C6orf62: variants seen among roughly 807,000 people sequenced by gnomAD.
C6orf62 encodes the protein chromosome 6 open reading frame 62.
In C6orf62, 16 loss-of-function variants were observed where a neutral mutation model predicts 26.8. That is an observed-to-expected ratio of 0.60 (90% CI 0.40 to 0.91). The LOEUF (loss-of-function observed/expected upper bound fraction) is 0.91. Ranked by LOEUF, C6orf62 falls within the 40% of genes least tolerant of loss-of-function variation. C6orf62 has a pLI of 0.00. For missense variants in C6orf62, 192 were observed against 271.4 expected (o/e 0.71, Z 2.06); for synonymous variants, 112 against 91.5 (o/e 1.22, Z -1.28).
At chr6:24,710,385 C>T (rs1779097017) in intron 3 of C6orf62, 1 of 431,388 alleles carries the variant, frequency 2.3e-6, no homozygotes. Context: ...TCTGCCTCAG[C>T]CTCCCAAGTA....
At chr6:24,710,211 C>G (rs1581395009) in intron 3 of C6orf62, 2 of 985,222 alleles carry the variant, frequency 2.0e-6, no homozygotes, top group East Asian at 2.3e-4. Flanking sequence ...AATATAAAAC[C>G]CAACTTGCTT....
At chr6:24,709,329 C>A in intron 3 of C6orf62, 1 of 985,356 alleles carries the variant, frequency 1.0e-6, no homozygotes, top group Non-Finnish European at 1.2e-6. Flanking sequence ...CCTACTCAGT[C>A]CAAGACTCCC....
upstream of C6orf62, chr6:24,720,442 T>A (rs1172877467): frequency 1.8e-6 from 2 of 1,098,078 alleles, no homozygotes; most frequent in Non-Finnish European, 2.2e-6. Context: ...GGACCCATAG[T>A]CTGGCTCGGC....
At chr6:24,720,490 G>C (rs1473326575), upstream of C6orf62, 1 of 678,602 alleles carries the variant, frequency 1.5e-6, no homozygotes, top group Non-Finnish European at 1.9e-6. Flanking sequence ...CGCGGAGACA[G>C]CGGCAACAGG....
upstream of C6orf62, chr6:24,719,462 CAT>C: frequency 9.2e-7 from 1 of 1,091,190 alleles, no homozygotes; most frequent in Non-Finnish European, 1.1e-6. Flanking sequence ...CCAAAGGAGC[CAT>C]GAGAAAAAAC....
chr6:24,720,291 C>G, upstream of C6orf62: 1 of 1,301,168 alleles, frequency 7.7e-7, no homozygotes, highest in Non-Finnish European at 9.7e-7. Flanking sequence ...GAAGAGGCGG[C>G]GGCGGCGGGG....
In C6orf62 at chr6:24,718,920, A is replaced by C. The variant is rs1779294050; in HGVS notation, c.-252T>G. On this transcript the variant is annotated 5_prime_UTR_variant, in exon 1 of 5. Transcript: ENST00000378119. ...ATAACGTTTGGGGTCAGACGGGAAA[A>C]AGGGAGGAAAGAAAGGAAAGAAAGA... The C allele has an allele frequency of 7.8e-7, 1 of 1,283,848 alleles. No individual in the cohort carries two copies. The highest frequency in any genetic ancestry group is 1.5e-5 in the African/African-American group (1 of 64,756). The allele number at this position is 1,283,848 out of a possible 1,614,324, so 79.5% of individuals were successfully genotyped here.
chr6:24,712,376 T>C (rs762897718), intron 3 of C6orf62, among the ~76,000 whole-genome samples: 1 of 149,184 alleles, frequency 6.7e-6, no homozygotes, highest in African/African-American at 2.5e-5. Flanking sequence ...AGCAAGACCC[T>C]GTCTCAAAAA....
At position 24,705,220 on chromosome 6, in the gene C6orf62, A is replaced by C. The variant is rs568560799; in HGVS notation, c.*917T>G. On this transcript the variant is annotated 3_prime_UTR_variant, in exon 5 of 5. Coordinates refer to ENST00000378119, the MANE Select transcript of C6orf62 (RefSeq NM_030939.5). The stretch of plus-strand genomic sequence containing the variant: ...TTTTTCTACTCCAAAACACCCTTGT[A>C]AAGTTTTTCTTTAGGATGGTGTAAA... 6.6e-6 allele frequency: 1 copy of C among 152,648 alleles called. No individual in the cohort carries two copies. Among genetic ancestry groups the C allele is most frequent in the African/African-American group, 2.4e-5 (1 of 41,460 alleles). 9.5% of individuals were successfully genotyped at this position (152,648 alleles called of 1,614,324 possible).
intron 3 of C6orf62, chr6:24,709,775 G>C: frequency 1.0e-6 from 1 of 985,402 alleles, no homozygotes; most frequent in Non-Finnish European, 1.2e-6. Flanking sequence ...GGCATGGTGA[G>C]ACACCAAATG....
In C6orf62 at chr6:24,714,298, C is replaced by T; in HGVS notation, c.429+20G>A. 1.3e-6 allele frequency: 2 copies of T among 1,588,252 alleles called. No individual in the cohort carries two copies. Among genetic ancestry groups the T allele is most frequent in the South Asian group, 1.2e-5 (1 of 86,588 alleles). ...AGTTTTCACATATTGAAATACTCAT[C>T]ACACTTTAGACCAAAATACCTGAAC... On this transcript the variant is annotated intron_variant, in intron 3 of 4. Transcript: ENST00000378119.
At chr6:24,717,450 C>CTA (rs1162577400) in intron 1 of C6orf62, among the ~76,000 whole-genome samples, 1 of 152,200 alleles carries the variant, frequency 6.6e-6, no homozygotes, top group Admixed American at 6.5e-5. Flanking sequence ...CTTCACAATG[C>CTA]TATACTTCAG....
rs867677326 is a variant in C6orf62 at position 24,710,696 on chromosome 6, G to A, written c.430-1785C>T. On this transcript the variant is annotated intron_variant, in intron 3 of 4. Transcript: ENST00000378119. ...ATTTCCCCAGGACAAAGTAGTAATGGTAAGTAATCTGATAAACGCTGACTG... is the reference window on the plus strand; with the variant it reads ...ATTTCCCCAGGACAAAGTAGTAATGATAAGTAATCTGATAAACGCTGACTG... The A allele has an allele frequency of 1.6e-5, 14 of 877,230 alleles. No individual in the cohort carries two copies. The African/African-American group carries it at 2.4e-4, about 15-fold the overall frequency. 54.3% of individuals were successfully genotyped at this position (877,230 alleles called of 1,614,324 possible).
intron 4 of C6orf62, chr6:24,706,615 T>G: frequency 2.1e-5 from 4 of 194,250 alleles, no homozygotes; most frequent in Non-Finnish European, 4.3e-5. Flanking sequence ...GATGAAGGAA[T>G]AGGTAAAAAT....
At chr6:24,719,208 A>C, upstream of C6orf62, 1 of 987,992 alleles carries the variant, frequency 1.0e-6, no homozygotes, top group Non-Finnish European at 1.2e-6. Context: ...CCAAACACCA[A>C]AACAGGGTAG....
chr6:24,707,746 G>A (rs1023592387), intron 4 of C6orf62, among the ~76,000 whole-genome samples: 1 of 151,980 alleles, frequency 6.6e-6, no homozygotes, highest in Non-Finnish European at 1.5e-5. Context: ...GCTCACGCCT[G>A]TAATCCCAGC....
chr6:24,708,737 T>C (rs1779063344), intron 4 of C6orf62, 40 bp downstream of exon 4: 2 of 1,613,282 alleles, frequency 1.2e-6, no homozygotes, highest in South Asian at 2.2e-5. Flanking sequence ...CAATAAGTTT[T>C]TGAATGAGCC....
chr6:24,707,692 T>C (rs1452182115), intron 4 of C6orf62, among the ~76,000 whole-genome samples: 1 of 152,088 alleles, frequency 6.6e-6, no homozygotes, highest in African/African-American at 2.4e-5. Flanking sequence ...TTTAAATATA[T>C]GTCCCTCATC....
intron 4 of C6orf62, among the ~76,000 whole-genome samples, chr6:24,707,539 TG>T (rs990776477): frequency 9.2e-5 from 14 of 152,098 alleles, no homozygotes; most frequent in Non-Finnish European, 2.1e-4. Flanking sequence ...TTTGATTTTT[TG>T]TAGAGATGTC....
Sources: gnomAD v4.1 joint callset for allele counts (sites outside exome capture counted in the v4.1 genomes callset) on GRCh38, gnomAD v4.1.1 for gene constraint, MANE v1.5 for transcripts, NCBI Gene and HGNC (gene_info 2026-07-23, HGNC 2026-07-21) for gene names.